RFFL: variants seen among roughly 807,000 people sequenced by gnomAD.
RFFL encodes the protein E3 ubiquitin-protein ligase rififylin.
Under a neutral mutation model 40.4 loss-of-function variants are expected in RFFL, and 16 were observed. The observed-to-expected ratio is 0.40, with a 90% confidence interval of 0.27 to 0.60. RFFL has a LOEUF of 0.60. Among genes scored for constraint, RFFL ranks in the 20% least tolerant of loss-of-function variants. The pLI is 0.47. For missense variants in RFFL, 367 were observed against 451.7 expected (o/e 0.81, Z 1.70); for synonymous variants, 154 against 167.9 (o/e 0.92, Z 0.64).
intron 1 of RFFL, among the ~76,000 whole-genome samples, chr17:35,085,499 G>T (rs866255356): frequency 1.3e-5 from 2 of 152,128 alleles, no homozygotes; most frequent in African/African-American, 2.4e-5. Flanking sequence ...GTGCGATCTC[G>T]GCTCACTGCA....
rs116822183 is a variant in RFFL at position 35,061,403 on chromosome 17, G to A, written c.-9+2173C>T. On this transcript the variant is annotated intron_variant, in intron 1 of 6. Coordinates refer to ENST00000394597, the MANE Select transcript of RFFL (RefSeq NM_001017368.2). Reference sequence around the variant, plus strand: ...GTATCCGTAATCTTTGAAGAGTACAGGCCTTCTCTCTGATGGTGCCTAAAA... The same window carrying A: ...GTATCCGTAATCTTTGAAGAGTACAAGCCTTCTCTCTGATGGTGCCTAAAA... 4.4e-3 allele frequency among the ~76,000 whole-genome samples: 675 copies of A among 152,262 alleles called. 3 individuals are homozygous for A. The highest frequency in any genetic ancestry group is 0.014 in the African/African-American group (577 of 41,534).
rs988309193 is a variant in RFFL, at chr17:35,008,739, C to T, written c.*3229G>A. On this transcript the variant is annotated 3_prime_UTR_variant, in exon 7 of 7. Coordinates refer to ENST00000394597, the MANE Select transcript of RFFL (RefSeq NM_001017368.2). ...CTCCGCCTCCCGGGTTCACACCATT[C>T]TCCTGCCTCAGCCTCCCGAGTAGCT... is the stretch of plus-strand genomic sequence containing the variant. The T allele has an allele frequency of 2.6e-5, 4 of 152,186 alleles. No homozygotes were observed. The highest frequency in any genetic ancestry group is 9.7e-5 in the African/African-American group (4 of 41,432). The allele number at this position is 152,186 out of a possible 1,614,324, so 9.4% of individuals were successfully genotyped here.
intron 1 of RFFL, among the ~76,000 whole-genome samples, chr17:35,051,068 C>T (rs1277071630): frequency 1.3e-5 from 2 of 152,292 alleles, no homozygotes; most frequent in East Asian, 3.9e-4. Context: ...AGACTGAATC[C>T]CATATCTACC....
chr17:35,066,079 C>T (rs1041841588), upstream of RFFL, among the ~76,000 whole-genome samples: 1 of 152,106 alleles, frequency 6.6e-6, no homozygotes. Context: ...GCCGAGATTG[C>T]GCCACTGCAA....
At chr17:35,024,830 T>C (rs1024189671) in intron 2 of RFFL, among the ~76,000 whole-genome samples, 8 of 152,174 alleles carry the variant, frequency 5.3e-5, no homozygotes, top group Admixed American at 4.6e-4. Flanking sequence ...AAATTACAAA[T>C]GAAAAATTCT....
intron 1 of RFFL, among the ~76,000 whole-genome samples, chr17:35,054,878 G>C (rs1195108085): frequency 6.6e-6 from 1 of 151,496 alleles, no homozygotes. Context: ...CTAACACAGT[G>C]ACAGGCTTAG....
intron 1 of RFFL, among the ~76,000 whole-genome samples, chr17:35,057,728 T>C (rs1249327270): frequency 6.6e-6 from 1 of 150,608 alleles, no homozygotes; most frequent in East Asian, 1.9e-4. Context: ...TTTCTGAAAT[T>C]ACATGAGCAA....
chr17:35,077,351 G>A (rs1314450194), intron 1 of RFFL, among the ~76,000 whole-genome samples: 1 of 152,154 alleles, frequency 6.6e-6, no homozygotes, highest in African/African-American at 2.4e-5. Flanking sequence ...AAGTGTGTGT[G>A]TCAGACTGCT....
At position 35,009,687 on chromosome 17, in the gene RFFL, TCA is replaced by T. The variant is rs1374353908; in HGVS notation, c.*2279_*2280del. ...TTAAAGGCAAAATGAGTAAACAACC[TCA>T]GTTTTAATTCTTACTGAGGTTACTA... On this transcript the variant is annotated 3_prime_UTR_variant, in exon 7 of 7. Coordinates refer to ENST00000394597, the MANE Select transcript of RFFL (RefSeq NM_001017368.2). 1.3e-5 allele frequency: 2 copies of T among 152,042 alleles called. No homozygotes were observed. The highest frequency in any genetic ancestry group is 2.9e-5 in the Non-Finnish European group (2 of 68,014). 9.4% of individuals were successfully genotyped at this position (152,042 alleles called of 1,614,324 possible).
intron 1 of RFFL, among the ~76,000 whole-genome samples, chr17:35,057,026 C>T (rs557458220): frequency 3.7e-4 from 56 of 151,554 alleles, no homozygotes; most frequent in African/African-American, 1.3e-3. Context: ...AACAATTCTC[C>T]TGCCTCAGCC....
At chr17:35,039,033 C>A (rs143016499) in intron 1 of RFFL, among the ~76,000 whole-genome samples, 1 of 152,118 alleles carries the variant, frequency 6.6e-6, no homozygotes, top group Non-Finnish European at 1.5e-5. Flanking sequence ...CACAGCATGC[C>A]GAGTAGCTGG....
intron 1 of RFFL, 47 bp downstream of exon 1, chr17:35,063,529 G>A (rs532683482): frequency 1.3e-4 from 19 of 143,352 alleles, no homozygotes; most frequent in Non-Finnish European, 2.7e-4. Context: ...AGTTTCTAAT[G>A]CAGCTTCATC....
At chr17:35,054,287 CAATA>C (rs1170299435) in intron 1 of RFFL, among the ~76,000 whole-genome samples, 1 of 152,178 alleles carries the variant, frequency 6.6e-6, no homozygotes, top group African/African-American at 2.4e-5. Flanking sequence ...AAAAGAACCA[CAATA>C]AATATTTACT....
intron 1 of RFFL, among the ~76,000 whole-genome samples, chr17:35,049,807 T>C (rs2091221123): frequency 6.6e-6 from 1 of 152,066 alleles, no homozygotes; most frequent in Non-Finnish European, 1.5e-5. Flanking sequence ...ATGGGCCAGG[T>C]GTGGTAGCTC....
intron 2 of RFFL, 72 bp from the exon 3 acceptor site, chr17:35,021,853 C>T (rs2091011387): frequency 1.4e-6 from 2 of 1,455,018 alleles, no homozygotes; most frequent in East Asian, 4.5e-5. Flanking sequence ...ATGGGAGCTT[C>T]AGAGCTGCCA....
chr17:35,065,558 CAAAAAAAA>C (rs947708350), upstream of RFFL, among the ~76,000 whole-genome samples: 4 of 51,122 alleles, frequency 7.8e-5, no homozygotes, highest in Admixed American at 2.2e-4. Context: ...AACTTCGTCT[CAAAAAAAA>C]AAAAAAAAAA....
chr17:35,060,012 C>T (rs1315947477), intron 1 of RFFL, among the ~76,000 whole-genome samples: 2 of 152,136 alleles, frequency 1.3e-5, no homozygotes, highest in Non-Finnish European at 2.9e-5. Flanking sequence ...GGCATTTTAG[C>T]ACTCCAAAAG....
At chr17:35,023,548 T>G (rs1331873706) in intron 2 of RFFL, among the ~76,000 whole-genome samples, 1 of 152,198 alleles carries the variant, frequency 6.6e-6, no homozygotes, top group Non-Finnish European at 1.5e-5. Context: ...AAATGGATGT[T>G]TTCAGGTATT....
intron 1 of RFFL, among the ~76,000 whole-genome samples, chr17:35,081,969 T>C (rs1043648078): frequency 3.9e-5 from 6 of 152,004 alleles, no homozygotes; most frequent in Non-Finnish European, 4.4e-5. Context: ...AACAGATTCA[T>C]GGTTTAGATG....
Sources: allele counts gnomAD v4.1 joint callset (sites outside exome capture counted in the v4.1 genomes callset), GRCh38; gene constraint gnomAD v4.1.1; transcripts MANE v1.5; gene names NCBI Gene and HGNC (gene_info 2026-07-23, HGNC 2026-07-21).